Variants in STIM2 observed in about 807,000 individuals in gnomAD.
STIM2 encodes stromal interaction molecule 2.
In STIM2, 31 loss-of-function variants were observed where a neutral mutation model predicts 85.8. That is an observed-to-expected ratio of 0.36 (90% CI 0.27 to 0.49). The LOEUF (loss-of-function observed/expected upper bound fraction) is 0.49. Among genes scored for constraint, STIM2 ranks in the 20% least tolerant of loss-of-function variants. STIM2 has a pLI of 0.98. For synonymous variants in STIM2, 356 were observed against 331.1 expected (o/e 1.08, Z -0.82); for missense variants, 841 against 927.6 (o/e 0.91, Z 1.21).
At chr4:26,861,444 C>T (rs1279786896) in intron 1 of STIM2, 75 bp downstream of exon 1, 5 of 1,239,562 alleles carry the variant, frequency 4.0e-6, no homozygotes, top group Admixed American at 4.3e-5. Flanking sequence ...AGGTCAGCAT[C>T]TCCGCCGGAC....
intron 10 of STIM2, among the ~76,000 whole-genome samples, chr4:27,010,632 GA>G (rs1465983240): frequency 6.6e-6 from 1 of 152,108 alleles, no homozygotes; most frequent in Non-Finnish European, 1.5e-5. Flanking sequence ...GAAGTCTAGG[GA>G]AGGACGAAGG....
At chr4:26,971,129 G>C (rs1377912608) in intron 3 of STIM2, among the ~76,000 whole-genome samples, 1 of 152,130 alleles carries the variant, frequency 6.6e-6, no homozygotes, top group South Asian at 2.1e-4. Flanking sequence ...GTTCTTTGTA[G>C]ATTCTGGATA....
At chr4:26,889,954 C>T (rs1395773770) in intron 1 of STIM2, among the ~76,000 whole-genome samples, 1 of 152,192 alleles carries the variant, frequency 6.6e-6, no homozygotes, top group Non-Finnish European at 1.5e-5. Flanking sequence ...CAATTATGTC[C>T]TTCCAATTCT....
intron 2 of STIM2, among the ~76,000 whole-genome samples, chr4:26,931,544 G>A (rs1725204728): frequency 1.3e-5 from 2 of 152,338 alleles, no homozygotes; most frequent in South Asian, 2.1e-4. Context: ...AATAGGATAT[G>A]TGTAGAATTT....
In STIM2 at chr4:26,895,083, A is replaced by T. The variant is rs1292738859; in HGVS notation, c.152-24421A>T. 2.6e-5 allele frequency among the ~76,000 whole-genome samples: 4 copies of T among 152,208 alleles called. No individual in the cohort carries two copies. In the East Asian group the frequency reaches 7.7e-4, roughly 29 times the overall value. ...AAAAATTAGCTGGGCATGATGGCGC[A>T]CGCCTGAAATCTCAGCTATCCAGGA... On this transcript the variant is annotated intron_variant, in intron 1 of 11. Coordinates refer to ENST00000467087, the MANE Select transcript of STIM2 (RefSeq NM_020860.4).
intron 3 of STIM2, among the ~76,000 whole-genome samples, chr4:26,987,774 AT>A (rs1378923464): frequency 3.3e-5 from 5 of 152,240 alleles, no homozygotes; most frequent in Non-Finnish European, 7.3e-5. Context: ...TCCTGAGTCC[AT>A]TAATGTAATT....
intron 11 of STIM2, among the ~76,000 whole-genome samples, chr4:27,022,153 G>A (rs752593499): frequency 2.0e-5 from 3 of 152,056 alleles, no homozygotes; most frequent in African/African-American, 4.8e-5. Context: ...TTAAAATAGC[G>A]TTAACTCTGA....
chr4:27,011,147 A>G (rs942435242), intron 10 of STIM2, among the ~76,000 whole-genome samples: 2 of 152,216 alleles, frequency 1.3e-5, no homozygotes, highest in African/African-American at 2.4e-5. Context: ...GACTTATGCT[A>G]AAGCCTGTTG....
intron 2 of STIM2, among the ~76,000 whole-genome samples, chr4:26,949,889 A>C (rs1725980305): frequency 6.6e-6 from 1 of 152,202 alleles, no homozygotes; most frequent in South Asian, 2.1e-4. Flanking sequence ...TATATACATA[A>C]GTTTTTACGT....
chr4:26,868,210 G>A (rs2109425975), intron 1 of STIM2, among the ~76,000 whole-genome samples: 1 of 152,354 alleles, frequency 6.6e-6, no homozygotes, highest in South Asian at 2.1e-4. Context: ...GAGCCACAGA[G>A]CCTGGCAAGC....
At chr4:26,907,126 A>G (rs1194435270) in intron 1 of STIM2, among the ~76,000 whole-genome samples, 4 of 152,156 alleles carry the variant, frequency 2.6e-5, no homozygotes, top group South Asian at 2.1e-4. Context: ...GAAGGGCAAT[A>G]TTAACTTATA....
chr4:26,910,259 C>T (rs895253266), intron 1 of STIM2, among the ~76,000 whole-genome samples: 4 of 152,018 alleles, frequency 2.6e-5, no homozygotes, highest in African/African-American at 9.7e-5. Flanking sequence ...CGGTGGCTCA[C>T]GCTTATAATT....
intron 2 of STIM2, among the ~76,000 whole-genome samples, chr4:26,955,608 C>T (rs1458728911): frequency 6.8e-6 from 1 of 147,968 alleles, no homozygotes; most frequent in African/African-American, 2.6e-5. Flanking sequence ...CAGGCAGGCC[C>T]CCTTAAATAT....
chr4:27,011,397 T>G (rs1311301498), intron 10 of STIM2, among the ~76,000 whole-genome samples: 1 of 152,208 alleles, frequency 6.6e-6, no homozygotes, highest in Non-Finnish European at 1.5e-5. Context: ...TTTTTCTACT[T>G]TCTACTTTCT....
intron 1 of STIM2, among the ~76,000 whole-genome samples, chr4:26,866,129 C>T (rs1022299554): frequency 1.3e-5 from 2 of 152,136 alleles, no homozygotes; most frequent in South Asian, 2.1e-4. Flanking sequence ...CACCCAGGTA[C>T]TGAGCATAGT....
At chr4:26,909,195 A>G (rs1361416757) in intron 1 of STIM2, among the ~76,000 whole-genome samples, 1 of 152,196 alleles carries the variant, frequency 6.6e-6, no homozygotes, top group Non-Finnish European at 1.5e-5. Context: ...TTATTAACTA[A>G]TTACTGTAGG....
chr4:26,885,863 A>ATG (rs1328735256), intron 1 of STIM2, among the ~76,000 whole-genome samples: 10 of 123,318 alleles, frequency 8.1e-5, no homozygotes, highest in South Asian at 2.5e-4. Flanking sequence ...ATATATATAT[A>ATG]TATATATATA....
Position 26,975,596 on chromosome 4 carries a change from A to G in STIM2, c.397+17870A>G, listed in dbSNP as rs539435960. On this transcript the variant is annotated intron_variant, in intron 3 of 11. Coordinates refer to ENST00000467087, the MANE Select transcript of STIM2 (RefSeq NM_020860.4). ...AACAGCAAATATTGCAGAACAGCAA[A>G]TATTGCTGCCTGATCCTTTCTCTGG... is the stretch of plus-strand genomic sequence containing the variant. 4.7e-3 allele frequency among the ~76,000 whole-genome samples: 719 copies of G among 152,280 alleles called. 8 individuals are homozygous for G. Among genetic ancestry groups the G allele is most frequent in the African/African-American group, 0.017 (698 of 41,552 alleles).
chr4:26,873,799 G>C, intron 1 of STIM2: 1 of 858,462 alleles, frequency 1.2e-6, no homozygotes, highest in Non-Finnish European at 2.0e-6. Flanking sequence ...CAAGGGGTAA[G>C]GGGCTCTACA....
Sources: allele counts gnomAD v4.1 joint callset (sites outside exome capture counted in the v4.1 genomes callset), GRCh38; gene constraint gnomAD v4.1.1; transcripts MANE v1.5; gene names NCBI Gene and HGNC (gene_info 2026-07-23, HGNC 2026-07-21).